Variants in KCNT1 observed in about 807,000 individuals in gnomAD.
The protein encoded by KCNT1 is potassium channel subfamily T member 1.
KCNT1 carries 78 observed loss-of-function variants against 147.8 expected under a neutral mutation model. The ratio of observed to expected loss-of-function variants is 0.53; its 90% CI spans 0.44 to 0.64. The LOEUF (loss-of-function observed/expected upper bound fraction) is 0.64. Among genes scored for constraint, KCNT1 ranks in the 30% least tolerant of loss-of-function variants. KCNT1 has a pLI of 0.00. For missense variants in KCNT1, 1,419 were observed against 1,750.3 expected (o/e 0.81, Z 3.38); for synonymous variants, 867 against 748.8 (o/e 1.16, Z -2.58).
At chr9:135,750,592 C>G (rs1408960529) in intron 3 of KCNT1, 2 of 463,222 alleles carry the variant, frequency 4.3e-6, no homozygotes, top group Non-Finnish European at 7.9e-6. Context: ...TCATGCTCCC[C>G]CCGGGATTGC....
rs992292822 is a variant in KCNT1 at position 135,730,887 on chromosome 9, G to A, written c.254+16167G>A. Among the ~76,000 whole-genome samples the A allele has an allele frequency of 1.3e-5, 2 of 150,938 alleles. No individual in the cohort carries two copies. The highest frequency in any genetic ancestry group is 6.6e-5 in the Admixed American group (1 of 15,110). ...TGTAGTCCCAGCTACTTGGGAAGCT[G>A]AGGCAGGAGGATCACTTGAGCCCAG... On this transcript the variant is annotated intron_variant, in intron 2 of 30. Coordinates refer to ENST00000371757, the MANE Select transcript of KCNT1 (RefSeq NM_020822.3). The surrounding 1 kb of genome is among the most constrained non-coding windows in gnomAD (Gnocchi z 4.7).
At chr9:135,773,029 T>G in intron 19 of KCNT1, 80 bp downstream of exon 19, 1 of 994,024 alleles carries the variant, frequency 1.0e-6, no homozygotes, top group South Asian at 2.0e-5. Context: ...GGAGCATCCT[T>G]GGTGGTCCCC....
At chr9:135,708,224 G>GCACACATATGTCCACATGTGCACA (rs1211248648) in intron 1 of KCNT1, among the ~76,000 whole-genome samples, 1 of 152,166 alleles carries the variant, frequency 6.6e-6, no homozygotes, top group African/African-American at 2.4e-5. Flanking sequence ...CCATGTGCAT[G>GCACACATATGTCCACATGTGCACA]CACACATATG....
chr9:135,751,142 G>A (rs1831140757), intron 4 of KCNT1, 101 bp downstream of exon 4: 12 of 1,116,334 alleles, frequency 1.1e-5, no homozygotes, highest in Middle Eastern at 2.7e-4. Context: ...GGGAGCCCCT[G>A]TGCCTGGGGC....
At chr9:135,771,574 C>T (rs1015948022) in intron 18 of KCNT1, among the ~76,000 whole-genome samples, 2 of 152,216 alleles carry the variant, frequency 1.3e-5, no homozygotes, top group African/African-American at 4.8e-5. Context: ...TCACGTGTGT[C>T]CCTCAAACAG....
chr9:135,714,754 G>A lies in KCNT1; in HGVS notation c.254+34G>A. The A allele has an allele frequency of 4.1e-6, 5 of 1,221,562 alleles. No homozygotes were observed. The highest frequency in any genetic ancestry group is 5.2e-6 in the Non-Finnish European group (5 of 967,214). 75.7% of individuals were successfully genotyped at this position (1,221,562 alleles called of 1,614,324 possible). ...CGGGCGCGGGGTGGGGGCTGGGGTC[G>A]CCGTCCCGGCGCCGCCGCACGCCCG... On this transcript the variant is annotated intron_variant, in intron 2 of 30. Transcript: ENST00000371757. The surrounding 1 kb of genome is among the most constrained non-coding windows in gnomAD (Gnocchi z 6.2).
chr9:135,726,944 T>C (rs1836187421), intron 2 of KCNT1, among the ~76,000 whole-genome samples: 1 of 13,946 alleles, frequency 7.2e-5, no homozygotes, highest in Admixed American at 8.5e-4. Flanking sequence ...TCCCTCTCCC[T>C]CTCTTTCCCA....
intron 11 of KCNT1, 143 bp from the exon 12 acceptor site, chr9:135,764,888 G>T (rs1832149276): frequency 6.8e-6 from 5 of 734,724 alleles, no homozygotes; most frequent in Non-Finnish European, 1.1e-5. Context: ...TGTGGGAAAG[G>T]CCCCCCTAAT....
chr9:135,778,871 C>A lies in KCNT1; in HGVS notation c.2729+49C>A, dbSNP rs113293925. On this transcript the variant is annotated intron_variant, in intron 23 of 30. Transcript: ENST00000371757. ...GCTCTAAACCACCCCACAGCCACGACCACGGGCCCTCGCCCTGAGACCCCC... is the reference window on the plus strand; with the variant it reads ...GCTCTAAACCACCCCACAGCCACGAACACGGGCCCTCGCCCTGAGACCCCC... 2,518 of 1,588,524 alleles carry A rather than the reference C, an allele frequency of 1.6e-3. 15 individuals are homozygous for A. Among genetic ancestry groups the A allele is most frequent in the African/African-American group, 3.5e-3 (250 of 71,292 alleles).
At chr9:135,770,724 T>TGACCCCAAATGGCCCCC (rs1832693854) in intron 17 of KCNT1, 133 bp from the exon 18 acceptor site, 4 of 944,372 alleles carry the variant, frequency 4.2e-6, no homozygotes, top group East Asian at 5.3e-5. Context: ...CCAAGGTCCC[T>TGACCCCAAATGGCCCCC]GACCCCAAAT....
chr9:135,739,769 G>A (rs1386232162), intron 2 of KCNT1, among the ~76,000 whole-genome samples: 1 of 152,204 alleles, frequency 6.6e-6, no homozygotes, highest in African/African-American at 2.4e-5. Flanking sequence ...ACAGTGCTCT[G>A]CGCTCTTTCT....
chr9:135,772,391 C>T (rs1355317990), intron 18 of KCNT1, among the ~76,000 whole-genome samples: 1 of 152,172 alleles, frequency 6.6e-6, no homozygotes, highest in African/African-American at 2.4e-5. Flanking sequence ...GCACAGGCCC[C>T]TAAGGCTGAG....
intron 24 of KCNT1, among the ~76,000 whole-genome samples, chr9:135,783,454 C>T (rs746680802): frequency 2.1e-4 from 32 of 152,230 alleles, no homozygotes; most frequent in Admixed American, 1.9e-3. Flanking sequence ...ACACCTCAAA[C>T]TCCCGACTCC....
rs550684502 is a variant in KCNT1 at position 135,734,046 on chromosome 9, C to T, written c.255-16052C>T. On this transcript the variant is annotated intron_variant, in intron 2 of 30. Transcript: ENST00000371757. ...CCCTGTCCTCTGTCCAGCCCGCAGTCCCACTCAGCTCGCGGTAGGCAAAGC... is the reference window on the plus strand; with the variant it reads ...CCCTGTCCTCTGTCCAGCCCGCAGTTCCACTCAGCTCGCGGTAGGCAAAGC... 1.5e-4 allele frequency among the ~76,000 whole-genome samples: 23 copies of T among 152,250 alleles called. No individual in the cohort carries two copies. In the South Asian group the frequency reaches 4.4e-3, roughly 29 times the overall value.
chr9:135,743,001 G>T (rs922320381), intron 2 of KCNT1, among the ~76,000 whole-genome samples: 4 of 152,170 alleles, frequency 2.6e-5, no homozygotes, highest in Admixed American at 6.5e-5. Flanking sequence ...AGGACAGTCA[G>T]TGTGCCCCCT....
At chr9:135,785,622 C>A (rs1833986730) in intron 28 of KCNT1, 1 of 587,970 alleles carries the variant, frequency 1.7e-6, no homozygotes, top group East Asian at 2.9e-5. Flanking sequence ...AGGCAGGCAG[C>A]CCCCATGCCC....
chr9:135,771,629 G>A (rs1394105529), intron 18 of KCNT1, among the ~76,000 whole-genome samples: 1 of 152,220 alleles, frequency 6.6e-6, no homozygotes, highest in Non-Finnish European at 1.5e-5. Context: ...GGCGGAATGA[G>A]GTCGCAGTGG....
intron 19 of KCNT1, among the ~76,000 whole-genome samples, chr9:135,774,821 C>G (rs991473243): frequency 6.6e-6 from 1 of 152,008 alleles, no homozygotes; most frequent in Non-Finnish European, 1.5e-5. Flanking sequence ...CCTGGGCTGA[C>G]CAGGTGAGGG....
intron 11 of KCNT1, among the ~76,000 whole-genome samples, chr9:135,763,700 C>G (rs1366552073): frequency 6.6e-6 from 1 of 152,200 alleles, no homozygotes; most frequent in African/African-American, 2.4e-5. Context: ...AGGGCCCACT[C>G]CAACCCAGGG....
Sources: allele counts gnomAD v4.1 joint callset (sites outside exome capture counted in the v4.1 genomes callset), GRCh38; gene constraint gnomAD v4.1.1; non-coding constraint Gnocchi (gnomAD v3.1); transcripts MANE v1.5; gene names NCBI Gene and HGNC (gene_info 2026-07-23, HGNC 2026-07-21).